The following ARHGAP32 variants were observed in gnomAD, a reference collection of about 807,000 sequenced individuals.
ARHGAP32 encodes rho GTPase-activating protein 32.
Under a neutral mutation model 186.5 loss-of-function variants are expected in ARHGAP32, and 51 were observed. The ratio of observed to expected loss-of-function variants is 0.27; its 90% CI spans 0.22 to 0.35. The LOEUF is 0.35. ARHGAP32 is among the 10% of genes least tolerant of loss of function. The pLI is 1.00. For missense variants in ARHGAP32, 2,186 were observed against 2,623.5 expected (o/e 0.83, Z 3.64); for synonymous variants, 950 against 964.3 (o/e 0.99, Z 0.27).
chr11:129,067,056 A>G (rs1449493508), intron 6 of ARHGAP32, among the ~76,000 whole-genome samples, 188 bp from the exon 7 acceptor site: 2 of 151,986 alleles, frequency 1.3e-5, no homozygotes, highest in Non-Finnish European at 2.9e-5. Context: ...TTAAAAGGCC[A>G]ATAATTGAAA....
chr11:129,260,443 A>G (rs1031879040), intron 1 of ARHGAP32, among the ~76,000 whole-genome samples: 5 of 152,190 alleles, frequency 3.3e-5, no homozygotes, highest in African/African-American at 9.6e-5. Context: ...TTTCATACAG[A>G]GTTATAAACT....
At chr11:129,043,404 G>A (rs1278618184) in intron 10 of ARHGAP32, among the ~76,000 whole-genome samples, 2 of 90,356 alleles carry the variant, frequency 2.2e-5, no homozygotes, top group African/African-American at 4.3e-5. Context: ...TTTTTTTTGC[G>A]CAACGGAGGT....
chr11:129,143,074 T>TATATATATATATATATATATAC (rs1555101121), intron 2 of ARHGAP32, among the ~76,000 whole-genome samples: 1 of 147,098 alleles, frequency 6.8e-6, no homozygotes, highest in East Asian at 2.0e-4. Flanking sequence ...TAAAACTGCA[T>TATATATATATATATATATATAC]ATATATATAT....
chr11:129,130,537 T>G (rs1052151216), intron 2 of ARHGAP32, among the ~76,000 whole-genome samples: 9 of 147,550 alleles, frequency 6.1e-5, no homozygotes, highest in Non-Finnish European at 1.0e-4. Context: ...ATAATCCAAT[T>G]TTTAAACTTG....
chr11:129,163,832 A>G (rs752759927), intron 2 of ARHGAP32, among the ~76,000 whole-genome samples: 2 of 152,178 alleles, frequency 1.3e-5, no homozygotes, highest in African/African-American at 2.4e-5. Flanking sequence ...AAAGTACAAG[A>G]AACTGCACGA....
At chr11:129,275,219 T>C (rs926007468) in intron 1 of ARHGAP32, among the ~76,000 whole-genome samples, 5 of 152,198 alleles carry the variant, frequency 3.3e-5, no homozygotes, top group African/African-American at 1.2e-4. Flanking sequence ...TAATATAAAA[T>C]ATTTTAGGCA....
chr11:129,205,839 T>A (rs888486353), intron 1 of ARHGAP32, among the ~76,000 whole-genome samples: 2 of 152,180 alleles, frequency 1.3e-5, no homozygotes, highest in South Asian at 4.1e-4. Context: ...TCAAAGCAAT[T>A]ACCACACTCC....
At chr11:129,259,227 C>A (rs2135706413) in intron 1 of ARHGAP32, among the ~76,000 whole-genome samples, 1 of 152,162 alleles carries the variant, frequency 6.6e-6, no homozygotes, top group East Asian at 1.9e-4. Context: ...AGCTTTTTCT[C>A]CAAAATGGAA....
At chr11:129,244,563 A>C (rs1945063509) in intron 1 of ARHGAP32, among the ~76,000 whole-genome samples, 2 of 152,182 alleles carry the variant, frequency 1.3e-5, no homozygotes, top group South Asian at 4.1e-4. Context: ...TAAAACACCA[A>C]AAGCAATGGC....
chr11:129,239,599 T>G (rs1944987731), intron 1 of ARHGAP32, among the ~76,000 whole-genome samples: 1 of 152,176 alleles, frequency 6.6e-6, no homozygotes. Flanking sequence ...CTAGAAGCAC[T>G]TTCGACACCC....
chr11:129,069,575 C>T (rs1020203073), intron 6 of ARHGAP32, among the ~76,000 whole-genome samples: 1 of 152,048 alleles, frequency 6.6e-6, no homozygotes, highest in African/African-American at 2.4e-5. Flanking sequence ...GTTAATATAT[C>T]TTTAGAGATC....
intron 1 of ARHGAP32, among the ~76,000 whole-genome samples, chr11:129,258,137 T>C (rs1285259301): frequency 6.6e-6 from 1 of 152,212 alleles, no homozygotes; most frequent in East Asian, 1.9e-4. Flanking sequence ...TTTATAGCAC[T>C]TTGTCAAATA....
At chr11:129,073,615 A>G (rs1397864537) in intron 6 of ARHGAP32, among the ~76,000 whole-genome samples, 7 of 152,144 alleles carry the variant, frequency 4.6e-5, no homozygotes, top group Non-Finnish European at 1.0e-4. Context: ...TGATACATAC[A>G]TACTGAAAAT....
chr11:129,050,737 GCA>G (rs1176639089), intron 10 of ARHGAP32, among the ~76,000 whole-genome samples: 1 of 152,160 alleles, frequency 6.6e-6, no homozygotes, highest in African/African-American at 2.4e-5. Flanking sequence ...GTGGTCTGCT[GCA>G]CCCATCAACT....
intron 6 of ARHGAP32, among the ~76,000 whole-genome samples, chr11:129,079,075 T>A (rs1457542332): frequency 2.0e-5 from 3 of 151,630 alleles, no homozygotes; most frequent in Non-Finnish European, 4.4e-5. Flanking sequence ...GGAAAAAAAA[T>A]TAAAAAATGA....
At chr11:129,276,020 T>C (rs554445814) in intron 1 of ARHGAP32, among the ~76,000 whole-genome samples, 1 of 152,236 alleles carries the variant, frequency 6.6e-6, no homozygotes, top group Non-Finnish European at 1.5e-5. Context: ...CACAGGCCAG[T>C]AGTCCCAGCT....
chr11:129,276,012 C>T (rs1945524895), intron 1 of ARHGAP32, among the ~76,000 whole-genome samples: 1 of 152,218 alleles, frequency 6.6e-6, no homozygotes, highest in Non-Finnish European at 1.5e-5. Context: ...AGCCTTGGCA[C>T]AGGCCAGTAG....
intron 6 of ARHGAP32, among the ~76,000 whole-genome samples, chr11:129,087,650 T>C (rs1941447364): frequency 6.6e-6 from 1 of 152,224 alleles, no homozygotes; most frequent in African/African-American, 2.4e-5. Flanking sequence ...TGTATGATAC[T>C]ATACTGGTGA....
At chr11:129,097,325 A>G (rs1482068447) in intron 5 of ARHGAP32, among the ~76,000 whole-genome samples, 1 of 152,184 alleles carries the variant, frequency 6.6e-6, no homozygotes, top group Non-Finnish European at 1.5e-5. Flanking sequence ...TAATAAAAAT[A>G]GAAATAAAAA....
Sources: allele counts gnomAD v4.1 joint callset (sites outside exome capture counted in the v4.1 genomes callset), GRCh38; gene constraint gnomAD v4.1.1; transcripts MANE v1.5; gene names NCBI Gene and HGNC (gene_info 2026-07-23, HGNC 2026-07-21).